The following LCK variants were observed in gnomAD, a reference collection of about 807,000 sequenced individuals.
LCK encodes LCK proto-oncogene, Src family tyrosine kinase.
A neutral mutation model predicts 64.6 loss-of-function variants in LCK; 14 were observed. That is an observed-to-expected ratio of 0.22 (90% CI 0.14 to 0.34). The LOEUF is 0.34. Ranked by LOEUF, LCK falls within the 10% of genes least tolerant of loss-of-function variation. The probability of loss-of-function intolerance (pLI) is 1.00; values close to 1 mark genes in which losing one functional copy is unlikely to be tolerated. For missense variants in LCK, 434 were observed against 668.1 expected, an observed-to-expected ratio of 0.65 and a Z score of 3.86; for synonymous variants, 277 against 263.6, an observed-to-expected ratio of 1.05 and a Z score of -0.49.
rs772512580 is a variant in LCK, at chr1:32,275,607, G to A, written c.416G>A (p.Arg139Gln). The A allele has an allele frequency of 1.3e-6, 2 of 1,573,844 alleles. No individual in the cohort carries two copies. Among genetic ancestry groups the A allele is most frequent in the East Asian group, 4.7e-5 (2 of 42,956 alleles). The change falls in exon 6 of 13, where the codon CGG (arginine) becomes CAG (glutamine). Residue 139 changes from arginine to glutamine, a missense_variant. Physicochemically the swap from Arg to Gln is conservative, Grantham distance 43. Around this residue, in one of 2 missense-constraint regions of LCK, gnomAD observed 233 missense variants for 291.2 expected, o/e 0.80. Transcript: ENST00000336890. This position sits in a 1 kb window ranked among gnomAD's most constrained non-coding sequence, Gnocchi z 6.9. Reference protein sequence around the residue: ...FKNLSRKDAERQLLAPGNTHG... With the variant: ...FKNLSRKDAEQQLLAPGNTHG... ...AACCTGAGCCGCAAGGACGCGGAGC[G>A]GCAGCTCCTGGCGCCCGGGAACACT...
At position 32,285,994 on chromosome 1, in the gene LCK, G is replaced by A; in HGVS notation, c.*278G>A. On this transcript the variant is annotated 3_prime_UTR_variant, in exon 13 of 13. Coordinates refer to ENST00000336890, the MANE Select transcript of LCK (RefSeq NM_005356.5). ...CCCATTTCCTGAGACCACAGAGAGA[G>A]GGGAGAAGCCTGGGATTGACAGAAG... 2.1e-6 allele frequency: 1 copy of A among 473,932 alleles called. No homozygotes were observed. Among genetic ancestry groups the A allele is most frequent in the South Asian group, 3.0e-5 (1 of 33,386 alleles). 29.4% of individuals were successfully genotyped at this position (473,932 alleles called of 1,614,324 possible).
At chr1:32,261,811 G>A (rs368437591) in intron 1 of LCK, among the ~76,000 whole-genome samples, 15 of 151,100 alleles carry the variant, frequency 9.9e-5, no homozygotes, top group African/African-American at 3.6e-4. Context: ...AATTAGCCGG[G>A]CATACTAGGC....
At chr1:32,266,245 A>G (rs656259) in intron 1 of LCK, among the ~76,000 whole-genome samples, 1 of 151,586 alleles carries the variant, frequency 6.6e-6, no homozygotes, top group African/African-American at 2.4e-5. Flanking sequence ...GTGATCCCAG[A>G]ACTTTGGGAG....
chr1:32,256,440 TACA>T (rs1639635265), intron 1 of LCK, among the ~76,000 whole-genome samples: 1 of 151,868 alleles, frequency 6.6e-6, no homozygotes, highest in Non-Finnish European at 1.5e-5. Context: ...CTACTAAAAA[TACA>T]ACAAATTAGC....
chr1:32,284,862 G>C (rs1158847467), intron 12 of LCK, among the ~76,000 whole-genome samples: 1 of 152,214 alleles, frequency 6.6e-6, no homozygotes, highest in Non-Finnish European at 1.5e-5. Context: ...GTGTGCACCT[G>C]TTGTCCAGCT....
At position 32,280,105 on chromosome 1, in the gene LCK, G is replaced by A; in HGVS notation, c.1222G>A (p.Ala408Thr). Residue 408 changes from alanine (A) to threonine (T), a missense_variant, in exon 12 of 13, where the codon GCG becomes ACG. By Grantham distance (58) the Ala-to-Thr change is moderately conservative. Around this residue, in one of 2 missense-constraint regions of LCK, gnomAD observed 201 missense variants for 376.9 expected, o/e 0.53. Coordinates refer to ENST00000336890, the MANE Select transcript of LCK (RefSeq NM_005356.5). ...GGCCAAGTTTCCCATTAAGTGGACAGCGCCAGAAGCCATTAACTACGGGAC... is the reference window on the plus strand; with the variant it reads ...GGCCAAGTTTCCCATTAAGTGGACAACGCCAGAAGCCATTAACTACGGGAC... ...EGAKFPIKWTAPEAINYGTFT... is the reference protein window; with the variant it reads ...EGAKFPIKWTTPEAINYGTFT... 1 of 1,614,158 alleles carries A rather than the reference G, an allele frequency of 6.2e-7. No homozygotes were observed. Among genetic ancestry groups the A allele is most frequent in the Non-Finnish European group, 8.5e-7 (1 of 1,180,038 alleles).
At chr1:32,258,421 T>C (rs1292305639) in intron 1 of LCK, among the ~76,000 whole-genome samples, 2 of 147,900 alleles carry the variant, frequency 1.4e-5, no homozygotes, top group Non-Finnish European at 3.0e-5. Context: ...TGAGCTACAA[T>C]CATGTGCTGT....
rs1398764358 is a variant in LCK, at chr1:32,285,723, T to C, written c.*7T>C. On this transcript the variant is annotated 3_prime_UTR_variant, in exon 13 of 13. Coordinates refer to ENST00000336890, the MANE Select transcript of LCK (RefSeq NM_005356.5). ...GTACCAGCCTCAGCCTTGAGAGGCC[T>C]TGAGAGGCCCTGGGGTTCTCCCCCT... 1 of 1,582,030 alleles carries C rather than the reference T, an allele frequency of 6.3e-7. No homozygotes were observed. Among genetic ancestry groups the C allele is most frequent in the Admixed American group, 1.9e-5 (1 of 54,018 alleles).
rs761643794 is a variant in LCK at position 32,276,117 on chromosome 1, C to A, written c.631+54C>A. On this transcript the variant is annotated intron_variant, in intron 7 of 12. Coordinates refer to ENST00000336890, the MANE Select transcript of LCK (RefSeq NM_005356.5). This position sits in a 1 kb window ranked among gnomAD's most constrained non-coding sequence, Gnocchi z 4.6. The stretch of plus-strand genomic sequence containing the variant: ...CCCTATCAGCCTATCTCCCCTCAGT[C>A]CCCCTCAGGTGTCCCCCATCCATCT... The A allele has an allele frequency of 6.3e-7, 1 of 1,591,442 alleles. No homozygotes were observed. The highest frequency in any genetic ancestry group is 8.6e-7 in the Non-Finnish European group (1 of 1,161,842).
Position 32,285,763 on chromosome 1 carries a change from A to T in LCK, c.*47A>T, listed in dbSNP as rs990008706. 2 of 1,537,956 alleles carry T rather than the reference A, an allele frequency of 1.3e-6. No individual in the cohort carries two copies. The highest frequency in any genetic ancestry group is 1.8e-6 in the Non-Finnish European group (2 of 1,135,752). ...GTTCTCCCCCTTTCTCTCCAGCCTG[A>T]CTTGGGGAGATGGAGTTCTTGTGCC... On this transcript the variant is annotated 3_prime_UTR_variant, in exon 13 of 13. Coordinates refer to ENST00000336890, the MANE Select transcript of LCK (RefSeq NM_005356.5).
In LCK at chr1:32,285,301, C is replaced by CA. The variant is rs200263186; in HGVS notation, c.1328-204dup. Among the ~76,000 whole-genome samples the CA allele has an allele frequency of 6.7e-3, 997 of 149,836 alleles. 7 individuals are homozygous for CA. Among genetic ancestry groups the CA allele is most frequent in the African/African-American group, 0.023 (939 of 40,790 alleles). ...GGGCAACAAGAGTGAAATTGCATCT[C>CA]AAAAAAAAAGAAAAGGAAATAATCT... On this transcript the variant is annotated intron_variant, in intron 12 of 12. Transcript: ENST00000336890.
chr1:32,281,900 TA>T (rs963798905), intron 12 of LCK, among the ~76,000 whole-genome samples: 2 of 151,562 alleles, frequency 1.3e-5, no homozygotes, highest in South Asian at 2.1e-4. Flanking sequence ...CCGTCTCTAC[TA>T]AAAAAAATAT....
At position 32,286,099 on chromosome 1, in the gene LCK, G is replaced by T; in HGVS notation, c.*383G>T. 1 of 327,308 alleles carries T rather than the reference G, an allele frequency of 3.1e-6. No individual in the cohort carries two copies. The highest frequency in any genetic ancestry group is 5.8e-6 in the Non-Finnish European group (1 of 173,670). The allele number at this position is 327,308 out of a possible 1,614,324, so 20.3% of individuals were successfully genotyped here. On this transcript the variant is annotated 3_prime_UTR_variant, in exon 13 of 13. Coordinates refer to ENST00000336890, the MANE Select transcript of LCK (RefSeq NM_005356.5). ...AGGACTTTATCTAATACCTCTGTGT[G>T]CTCCTCCTTGGTGCCTGGCCTGGCA... is the stretch of plus-strand genomic sequence containing the variant.
At position 32,251,461 on chromosome 1, in the gene LCK, G is replaced by A. The variant is rs895052009; in HGVS notation, c.-6+90G>A. The A allele has an allele frequency of 6.5e-6, 1 of 152,902 alleles. No individual in the cohort carries two copies. Among genetic ancestry groups the A allele is most frequent in the Non-Finnish European group, 1.5e-5 (1 of 68,582 alleles). 9.5% of individuals were successfully genotyped at this position (152,902 alleles called of 1,614,324 possible). A position where few individuals can be genotyped will look rare whatever the true frequency, so the allele number is the denominator to read the frequency against. ...GCTGTGCGGGCCCAGGCTCCCTAGG[G>A]ATGCAGCAGCCCTTTGTGGCTGGGG... On this transcript the variant is annotated intron_variant, in intron 1 of 12. Transcript: ENST00000336890. The surrounding 1 kb of genome is among the most constrained non-coding windows in gnomAD (Gnocchi z 4.0).
At position 32,260,993 on chromosome 1, in the gene LCK, A is replaced by G. The variant is rs578072052; in HGVS notation, c.-6+9622A>G. On this transcript the variant is annotated intron_variant, in intron 1 of 12. Transcript: ENST00000336890. The stretch of plus-strand genomic sequence containing the variant: ...CGAAGCTGGCACACATTTTGGACAA[A>G]ATGTTCAATAAATCAATAGGTCTAT... 2.6e-5 allele frequency among the ~76,000 whole-genome samples: 4 copies of G among 152,340 alleles called. No homozygotes were observed. The South Asian group carries it at 8.3e-4, about 32-fold the overall frequency.
intron 1 of LCK, among the ~76,000 whole-genome samples, chr1:32,261,240 A>ATTTTTTTTTTTTTT: frequency 9.4e-6 from 1 of 106,092 alleles, no homozygotes; most frequent in Non-Finnish European, 1.8e-5. Flanking sequence ...TGCTTGGCTA[A>ATTTTTTTTTTTTTT]TTTTTTTTTT....
chr1:32,262,868 G>GAAAAA (rs539749343), intron 1 of LCK, among the ~76,000 whole-genome samples: 7 of 85,594 alleles, frequency 8.2e-5, no homozygotes, highest in African/African-American at 2.2e-4. Context: ...GAGGAAGGGA[G>GAAAAA]AAAAAAAAAA....
chr1:32,263,400 A>AT (rs1639830958), intron 1 of LCK, among the ~76,000 whole-genome samples: 5 of 134,922 alleles, frequency 3.7e-5, no homozygotes, highest in Admixed American at 7.5e-5. Flanking sequence ...CTCAAAATAA[A>AT]TAAAATAAAT....
At chr1:32,261,578 G>GCA in intron 1 of LCK, among the ~76,000 whole-genome samples, 1 of 148,612 alleles carries the variant, frequency 6.7e-6, no homozygotes. Context: ...CCTGGGAGTT[G>GCA]GAGGTTGCAG....
Sources: allele counts gnomAD v4.1 joint callset (sites outside exome capture counted in the v4.1 genomes callset), GRCh38; gene constraint gnomAD v4.1.1; regional missense constraint gnomAD v4.1.1; non-coding constraint Gnocchi (gnomAD v3.1); transcripts MANE v1.5; gene names NCBI Gene and HGNC (gene_info 2026-07-23, HGNC 2026-07-21).